Variants in ANKS1A observed in about 807,000 individuals in gnomAD.
ANKS1A encodes ankyrin repeat and sterile alpha motif domain containing 1A.
A neutral mutation model predicts 120.3 loss-of-function variants in ANKS1A; 55 were observed. That is an observed-to-expected ratio of 0.46 (90% CI 0.37 to 0.57). The LOEUF is 0.57. Among genes scored for constraint, ANKS1A ranks in the 20% least tolerant of loss-of-function variants. The pLI is 0.00. For missense variants in ANKS1A, 1,123 were observed against 1,480.3 expected, an observed-to-expected ratio of 0.76 and a Z score of 3.96; for synonymous variants, 590 against 604.7, an observed-to-expected ratio of 0.98 and a Z score of 0.36.
chr6:35,079,636 G>A lies in ANKS1A; in HGVS notation c.2404G>A (p.Val802Met), dbSNP rs774617212. The A allele has an allele frequency of 2.2e-5, 36 of 1,614,162 alleles. No individual in the cohort carries two copies. The highest frequency in any genetic ancestry group is 4.4e-5 in the South Asian group (4 of 91,088). Reference sequence around the variant, plus strand: ...AAGTGGTTACAGCTCCATTGACACCGTGAAGAACCTCTGGGAGCTAGAGCT... The same window carrying A: ...AAGTGGTTACAGCTCCATTGACACCATGAAGAACCTCTGGGAGCTAGAGCT... ...LSSGYSSIDT[V>M]KNLWELELVN... The change falls in exon 15 of 24, where the codon GTG (valine) becomes ATG (methionine). Residue 802 changes from valine (V) to methionine (M), a missense_variant. This residue lies in a region of ANKS1A where 904 missense variants were observed against 1,130.4 expected (regional missense o/e 0.80). Transcript: ENST00000360359.
intron 3 of ANKS1A, among the ~76,000 whole-genome samples, chr6:34,975,538 T>A (rs114163569): frequency 0.059 from 8,888 of 151,726 alleles, 524 homozygotes; most frequent in East Asian, 0.34. Context: ...GGCTGAAGAT[T>A]GCTTGAGCCC....
rs115366477 is a variant in ANKS1A, at chr6:35,031,191, T to A, written c.2010+13132T>A. Among the ~76,000 whole-genome samples the A allele has an allele frequency of 9.8e-3, 1,499 of 152,266 alleles. 21 individuals are homozygous for A. Among genetic ancestry groups the A allele is most frequent in the African/African-American group, 0.033 (1,391 of 41,552 alleles). On this transcript the variant is annotated intron_variant, in intron 11 of 23. Coordinates refer to ENST00000360359, the MANE Select transcript of ANKS1A (RefSeq NM_015245.3). ...TGCCTTTTAAAGCTTTATCCTGTGA[T>A]TTCTGCCCTGGAGATACAGCTCAGC...
chr6:34,922,472 C>T (rs1490033853), intron 1 of ANKS1A, among the ~76,000 whole-genome samples: 4 of 152,116 alleles, frequency 2.6e-5, no homozygotes, highest in African/African-American at 9.7e-5. Flanking sequence ...CATTGCCTTC[C>T]CACCTCAATG....
In ANKS1A at chr6:35,089,170, T is replaced by G. The variant is rs1161077836; in HGVS notation, c.*561T>G. The G allele has an allele frequency of 2.0e-6, 2 of 1,000,758 alleles. No homozygotes were observed. Among genetic ancestry groups the G allele is most frequent in the Non-Finnish European group, 2.4e-6 (2 of 837,698 alleles). 62.0% of individuals were successfully genotyped at this position (1,000,758 alleles called of 1,614,324 possible). A position where few individuals can be genotyped will look rare whatever the true frequency, so the allele number is the denominator to read the frequency against. ...CCCAACCATATCAGCTGCTGCTCTT[T>G]ATGAACTGCCCAACTTCCTGTCCCT... On this transcript the variant is annotated 3_prime_UTR_variant, in exon 24 of 24. Coordinates refer to ENST00000360359, the MANE Select transcript of ANKS1A (RefSeq NM_015245.3).
chr6:35,085,765 GA>G lies in ANKS1A; in HGVS notation c.3134del (p.Asn1045ThrfsTer2). 6.3e-7 allele frequency: 1 copy of G among 1,585,784 alleles called. No individual in the cohort carries two copies. The highest frequency in any genetic ancestry group is 8.6e-7 in the Non-Finnish European group (1 of 1,165,878). On this transcript the variant is annotated frameshift_variant and splice_region_variant, in exon 22 of 24. Coordinates refer to ENST00000360359, the MANE Select transcript of ANKS1A (RefSeq NM_015245.3). LOFTEE classifies it high-confidence loss of function. The surrounding 1 kb of genome is among the most constrained non-coding windows in gnomAD (Gnocchi z 4.7). ...TTAAGTGGTGATCTGCTTCCTCCCA[GA>G]ACCTGACCTACGAGATCATCCTGAC... ...YCHVFSTVDV[N>X]LTYEIILTLG...
At chr6:35,011,594 C>G (rs534903019) in intron 10 of ANKS1A, among the ~76,000 whole-genome samples, 2 of 152,160 alleles carry the variant, frequency 1.3e-5, no homozygotes, top group Non-Finnish European at 2.9e-5. Flanking sequence ...ACAGATGGCT[C>G]CTAATCTGAA....
intron 1 of ANKS1A, among the ~76,000 whole-genome samples, chr6:34,958,517 G>C (rs1770480700): frequency 6.6e-6 from 1 of 152,122 alleles, no homozygotes; most frequent in African/African-American, 2.4e-5. Flanking sequence ...CATCACAACA[G>C]TATAGTGAAT....
Position 35,020,163 on chromosome 6 carries a change from C to T in ANKS1A, c.2010+2104C>T, listed in dbSNP as rs183817058. Among the ~76,000 whole-genome samples the T allele has an allele frequency of 9.5e-4, 145 of 152,228 alleles. 1 individual carries two copies. The highest frequency in any genetic ancestry group is 5.9e-5 in the Non-Finnish European group (4 of 68,016). On this transcript the variant is annotated intron_variant, in intron 11 of 23. Coordinates refer to ENST00000360359, the MANE Select transcript of ANKS1A (RefSeq NM_015245.3). ...GCATCAGGCCAAGAGATGAGTACAG[C>T]CAGCCCTCCATATCCATGGTTTTCT...
In ANKS1A at chr6:34,977,018, T is replaced by C. The variant is rs182104014; in HGVS notation, c.436-4672T>C. ...TCTAATATAGAATCCATGTTCAAGT[T>C]TTACCAGTTGTCTCAAAAATGCCCT... is the stretch of plus-strand genomic sequence containing the variant. On this transcript the variant is annotated intron_variant, in intron 3 of 23. Transcript: ENST00000360359. Among the ~76,000 whole-genome samples the C allele has an allele frequency of 5.6e-3, 847 of 152,266 alleles. 9 individuals are homozygous for C. The highest frequency in any genetic ancestry group is 0.016 in the African/African-American group (674 of 41,552).
intron 1 of ANKS1A, among the ~76,000 whole-genome samples, chr6:34,899,981 G>A (rs1461752498): frequency 2.6e-5 from 4 of 152,208 alleles, no homozygotes; most frequent in Non-Finnish European, 4.4e-5. Context: ...ACAGTATTGT[G>A]GGTGAGTGTG....
intron 1 of ANKS1A, among the ~76,000 whole-genome samples, chr6:34,945,183 C>G (rs1769728509): frequency 6.6e-6 from 1 of 152,162 alleles, no homozygotes; most frequent in South Asian, 2.1e-4. Context: ...TCAAGTGATT[C>G]TTCTGCCTCA....
At chr6:35,054,803 A>G (rs1381635499) in intron 12 of ANKS1A, among the ~76,000 whole-genome samples, 1 of 152,172 alleles carries the variant, frequency 6.6e-6, no homozygotes, top group Non-Finnish European at 1.5e-5. Flanking sequence ...TTATCTGATG[A>G]TAGGATTGTG....
At chr6:34,968,370 A>G (rs529292279) in intron 2 of ANKS1A, among the ~76,000 whole-genome samples, 114 of 152,334 alleles carry the variant, frequency 7.5e-4, no homozygotes, top group African/African-American at 2.6e-3. Context: ...CCAGAGTGTA[A>G]CAGAATAGAA....
chr6:35,059,513 G>A (rs553193603), intron 12 of ANKS1A, among the ~76,000 whole-genome samples: 3 of 152,252 alleles, frequency 2.0e-5, no homozygotes, highest in African/African-American at 7.2e-5. Flanking sequence ...TGTGCTGCTT[G>A]TGTTGCATGT....
chr6:34,999,828 C>G (rs1285302128), intron 10 of ANKS1A, among the ~76,000 whole-genome samples: 1 of 151,244 alleles, frequency 6.6e-6, no homozygotes, highest in Non-Finnish European at 1.5e-5. Flanking sequence ...GAAAGACCAG[C>G]AGAGAGAAAG....
chr6:35,089,372 T>C lies in ANKS1A; in HGVS notation c.*763T>C. 1.0e-6 allele frequency: 1 copy of C among 986,748 alleles called. No homozygotes were observed. The highest frequency in any genetic ancestry group is 1.2e-6 in the Non-Finnish European group (1 of 830,590). 61.1% of individuals were successfully genotyped at this position (986,748 alleles called of 1,614,324 possible). On this transcript the variant is annotated 3_prime_UTR_variant, in exon 24 of 24. Coordinates refer to ENST00000360359, the MANE Select transcript of ANKS1A (RefSeq NM_015245.3). ...AGCCAGCACCAGAGCGCCAGGCCTC[T>C]CCCTGGCCTCTTACCTGTCAGTGAT...
chr6:34,989,252 C>T lies in ANKS1A; in HGVS notation c.1238C>T (p.Pro413Leu). 6.2e-7 allele frequency: 1 copy of T among 1,614,036 alleles called. No individual in the cohort carries two copies. Among genetic ancestry groups the T allele is most frequent in the Non-Finnish European group, 8.5e-7 (1 of 1,179,942 alleles). The change falls in exon 9 of 24, where the codon CCA (proline) becomes CTA (leucine). Residue 413 changes from proline to leucine, a missense_variant. Around this residue, in one of 3 missense-constraint regions of ANKS1A, gnomAD observed 904 missense variants for 1,130.4 expected, o/e 0.80. Transcript: ENST00000360359. ...PRERPPPPAK[P>L]PPDEEEEDHI... ...GAACGTCCACCACCTCCAGCAAAGC[C>T]ACCGCCCGATGAAGAGGAAGAAGAC... is the stretch of plus-strand genomic sequence containing the variant.
chr6:34,997,652 A>G (rs1436649564), intron 10 of ANKS1A, among the ~76,000 whole-genome samples: 2 of 152,244 alleles, frequency 1.3e-5, no homozygotes, highest in East Asian at 1.9e-4. Flanking sequence ...TAGTGAAGGA[A>G]TAATTTTTAG....
intron 1 of ANKS1A, among the ~76,000 whole-genome samples, chr6:34,905,266 C>T (rs1256239573): frequency 1.3e-5 from 2 of 152,250 alleles, no homozygotes; most frequent in East Asian, 1.9e-4. Flanking sequence ...TCTGATCCAG[C>T]CTGGTGGAGT....
Sources: allele counts gnomAD v4.1 joint callset (sites outside exome capture counted in the v4.1 genomes callset), GRCh38; gene constraint gnomAD v4.1.1; regional missense constraint gnomAD v4.1.1; non-coding constraint Gnocchi (gnomAD v3.1); transcripts MANE v1.5; gene names NCBI Gene and HGNC (gene_info 2026-07-23, HGNC 2026-07-21).